Variants in GANC observed in about 807,000 individuals in gnomAD.
GANC encodes the protein neutral alpha-glucosidase C.
Under a neutral mutation model 124.2 loss-of-function variants are expected in GANC, and 117 were observed. The ratio of observed to expected loss-of-function variants is 0.94; its 90% confidence interval spans 0.81 to 1.10. The LOEUF is 1.10. GANC is among the 50% of genes least tolerant of loss of function. The pLI, the probability that GANC is intolerant of heterozygous loss-of-function variation, is 0.00. For synonymous variants in GANC, 377 were observed against 376.8 expected, an observed-to-expected ratio of 1.00 and a Z score of -0.01; for missense variants, 1,140 against 1,095.0, an observed-to-expected ratio of 1.04 and a Z score of -0.58.
intron 6 of GANC, among the ~76,000 whole-genome samples, chr15:42,304,780 G>T (rs199691482): frequency 6.6e-6 from 1 of 152,064 alleles, no homozygotes; most frequent in African/African-American, 2.4e-5. Context: ...TAGACCAATG[G>T]AACAGAACAG....
Position 42,311,406 on chromosome 15 carries a change from C to CA in GANC, c.1057+567dup, listed in dbSNP as rs781281844. On this transcript the variant is annotated intron_variant, in intron 10 of 23. Transcript: ENST00000318010. ...TATATAGAAAATCCCAAAGAATCCA[C>CA]AAAAAAATTACTAGAGGTAGTAAAT... is the stretch of plus-strand genomic sequence containing the variant. Among the ~76,000 whole-genome samples the CA allele has an allele frequency of 3.3e-5, 5 of 152,146 alleles. 1 individual carries two copies. The East Asian group carries it at 7.7e-4, about 24-fold the overall frequency.
intron 15 of GANC, among the ~76,000 whole-genome samples, chr15:42,337,608 A>G (rs764233995): frequency 3.9e-5 from 6 of 152,194 alleles, no homozygotes; most frequent in Non-Finnish European, 2.9e-5. Context: ...ACTAATGGGT[A>G]TTAGGCTTAA....
intron 5 of GANC, among the ~76,000 whole-genome samples, chr15:42,294,152 T>TTTTACTTACTTATG (rs2141028369): frequency 6.6e-6 from 1 of 151,764 alleles, no homozygotes; most frequent in African/African-American, 2.4e-5. Flanking sequence ...AAGTTGATCC[T>TTTTACTTACTTATG]TTTACTTACT....
At chr15:42,321,760 C>A (rs1472104796) in intron 10 of GANC, 25 bp from the exon 11 acceptor site, 1 of 1,593,604 alleles carries the variant, frequency 6.3e-7, no homozygotes, top group Non-Finnish European at 8.6e-7. Context: ...TGGCAGTTGA[C>A]TCAGTTGTCA....
chr15:42,286,371 C>G (rs72720903), intron 3 of GANC, among the ~76,000 whole-genome samples: 37,605 of 151,864 alleles, frequency 0.25, 5,837 homozygotes, highest in East Asian at 0.57. Context: ...ATAATAGATG[C>G]CAAATAAATG....
chr15:42,287,477 A>G (rs2051801171), intron 3 of GANC, among the ~76,000 whole-genome samples: 1 of 152,216 alleles, frequency 6.6e-6, no homozygotes. Context: ...ACCTAGCCAC[A>G]GAACACATAG....
intron 6 of GANC, 150 bp downstream of exon 6, chr15:42,297,806 C>G (rs1038080318): frequency 4.0e-5 from 19 of 473,950 alleles, no homozygotes; most frequent in Non-Finnish European, 7.2e-5. Context: ...TTCGGCTCAC[C>G]TTGTCATCTC....
rs1363883858 is a variant in GANC, at chr15:42,321,815, T to C, written c.1088T>C (p.Leu363Ser). 1 of 1,614,232 alleles carries C rather than the reference T, an allele frequency of 6.2e-7. No homozygotes were observed. Among genetic ancestry groups the C allele is most frequent in the Admixed American group, 1.7e-5 (1 of 60,032 alleles). The change falls in exon 11 of 24, where the codon TTG becomes TCG. Residue 363 changes from leucine to serine, a missense_variant. Leu to Ser is a moderately radical substitution (Grantham distance 145). Transcript: ENST00000318010. The part of the protein sequence containing the change: ...GTQAMPPLFS[L>S]GYHQCRWNYE... Reference sequence around the variant, plus strand: ...CAAGCCATGCCCCCTCTTTTCTCTTTGGGATACCACCAGTGCCGCTGGAAC... The same window carrying C: ...CAAGCCATGCCCCCTCTTTTCTCTTCGGGATACCACCAGTGCCGCTGGAAC...
Position 42,352,774 on chromosome 15 carries a change from G to T in GANC, c.*635G>T. 1 of 962,052 alleles carries T rather than the reference G, an allele frequency of 1.0e-6. No homozygotes were observed. The highest frequency in any genetic ancestry group is 1.2e-6 in the Non-Finnish European group (1 of 808,532). The allele number at this position is 962,052 out of a possible 1,614,324, so 59.6% of individuals were successfully genotyped here. ...TCTTAAAATCCATGTCTTTTACATT[G>T]TTTTTTTAATTAAGTGCTGTTTACT... On this transcript the variant is annotated 3_prime_UTR_variant, in exon 24 of 24. Coordinates refer to ENST00000318010, the MANE Select transcript of GANC (RefSeq NM_198141.3).
intron 10 of GANC, chr15:42,314,183 G>C (rs1293347445): frequency 2.6e-6 from 2 of 760,716 alleles, no homozygotes; most frequent in Non-Finnish European, 4.8e-6. Flanking sequence ...GATTGGACAA[G>C]TTGGCCAGAA....
At position 42,353,321 on chromosome 15, in the gene GANC, G is replaced by A. The variant is rs1352335658; in HGVS notation, c.*1182G>A. 7 of 986,060 alleles carry A rather than the reference G, an allele frequency of 7.1e-6. No homozygotes were observed. Among genetic ancestry groups the A allele is most frequent in the East Asian group, 2.3e-4 (2 of 8,830 alleles). The allele number at this position is 986,060 out of a possible 1,614,324, so 61.1% of individuals were successfully genotyped here. The stretch of plus-strand genomic sequence containing the variant: ...CCTCTGTGCCTTCTGATCCCTGGGC[G>A]CCAATATCCTCCTGCCCTTACCATC... On this transcript the variant is annotated 3_prime_UTR_variant, in exon 24 of 24. Coordinates refer to ENST00000318010, the MANE Select transcript of GANC (RefSeq NM_198141.3).
intron 19 of GANC, 21 bp downstream of exon 19, chr15:42,343,175 A>G (rs760221422): frequency 1.2e-5 from 19 of 1,587,648 alleles, no homozygotes; most frequent in Admixed American, 3.3e-5. Context: ...TAACAGCCAC[A>G]TATCTGATAT....
At chr15:42,336,628 C>A (rs1338116690) in intron 15 of GANC, among the ~76,000 whole-genome samples, 1 of 152,092 alleles carries the variant, frequency 6.6e-6, no homozygotes, top group African/African-American at 2.4e-5. Context: ...GCAAAATTGA[C>A]AAATGGGATC....
intron 1 of GANC, among the ~76,000 whole-genome samples, chr15:42,275,930 C>T (rs1267892248): frequency 6.6e-6 from 1 of 152,088 alleles, no homozygotes; most frequent in East Asian, 1.9e-4. Context: ...AAAATATTTT[C>T]TTGAATAAAT....
At chr15:42,282,460 T>C (rs1488584450) in intron 3 of GANC, among the ~76,000 whole-genome samples, 1 of 152,222 alleles carries the variant, frequency 6.6e-6, no homozygotes, top group African/African-American at 2.4e-5. Flanking sequence ...TACATCCACT[T>C]ATTCAGAATG....
At chr15:42,275,635 A>T (rs1295900186) in intron 1 of GANC, among the ~76,000 whole-genome samples, 1 of 151,994 alleles carries the variant, frequency 6.6e-6, no homozygotes, top group African/African-American at 2.4e-5. Flanking sequence ...AGGCTAGTTT[A>T]AATACATATA....
In GANC at chr15:42,308,265, G is replaced by T; in HGVS notation, c.669G>T (p.Glu223Asp). The part of the protein sequence containing the change: ...IGLDFSLHGF[E>D]HLYGIPQHAE... ...TGGATTTCTCCTTGCATGGATTTGAGCATCTTTATGGGATCCCACAACATG... is the reference window on the plus strand; with the variant it reads ...TGGATTTCTCCTTGCATGGATTTGATCATCTTTATGGGATCCCACAACATG... Residue 223 changes from glutamate (E) to aspartate (D), a missense_variant, in exon 8 of 24, where the codon GAG becomes GAT. Physicochemically the swap from Glu to Asp is conservative, Grantham distance 45 (BLOSUM62 2). Transcript: ENST00000318010. 6.2e-7 allele frequency: 1 copy of T among 1,609,646 alleles called. No individual in the cohort carries two copies. Among genetic ancestry groups the T allele is most frequent in the Non-Finnish European group, 8.5e-7 (1 of 1,176,756 alleles).
intron 11 of GANC, 80 bp downstream of exon 11, chr15:42,322,100 G>A (rs1454369377): frequency 9.9e-6 from 11 of 1,112,006 alleles, no homozygotes; most frequent in African/African-American, 4.7e-5. Context: ...CACATCAGTG[G>A]TGGAGAAACA....
Position 42,273,305 on chromosome 15 carries a change from C to T in GANC, c.-1177C>T. ...GACCGGTCGGCAGCAGCTACGGTTGCCGGTCCCGCACTGAAAAACGACAGT... is the reference window on the plus strand; with the variant it reads ...GACCGGTCGGCAGCAGCTACGGTTGTCGGTCCCGCACTGAAAAACGACAGT... On this transcript the variant is annotated 5_prime_UTR_variant, in exon 1 of 24. Coordinates refer to ENST00000318010, the MANE Select transcript of GANC (RefSeq NM_198141.3). The T allele has an allele frequency of 6.2e-7, 1 of 1,614,158 alleles. No homozygotes were observed.
Sources: gnomAD v4.1 joint callset for allele counts (sites outside exome capture counted in the v4.1 genomes callset) on GRCh38, gnomAD v4.1.1 for gene constraint, MANE v1.5 for transcripts, NCBI Gene and HGNC (gene_info 2026-07-23, HGNC 2026-07-21) for gene names.